The following MDGA2 variants were observed in gnomAD, a reference collection of about 807,000 sequenced individuals.
MDGA2 encodes MAM domain-containing glycosylphosphatidylinositol anchor protein 2.
MDGA2 carries 40 observed loss-of-function variants against 117.8 expected under a neutral mutation model. The ratio of observed to expected loss-of-function variants is 0.34; its 90% confidence interval spans 0.26 to 0.44. MDGA2 has a LOEUF of 0.44. MDGA2 is among the 20% of genes least tolerant of loss of function. MDGA2 has a pLI of 1.00. For missense variants in MDGA2, 1,123 were observed against 1,250.6 expected (o/e 0.90, Z 1.54); for synonymous variants, 452 against 439.0 (o/e 1.03, Z -0.37).
chr14:46,989,459 C>T (rs1021856311), intron 8 of MDGA2, among the ~76,000 whole-genome samples: 7 of 152,030 alleles, frequency 4.6e-5, no homozygotes, highest in African/African-American at 1.7e-4. Context: ...TGGCAGGTGA[C>T]AATATGTGAC....
intron 1 of MDGA2, among the ~76,000 whole-genome samples, chr14:47,646,741 T>C (rs1897542481): frequency 6.6e-6 from 1 of 152,248 alleles, no homozygotes; most frequent in Non-Finnish European, 1.5e-5. Context: ...ATATGGCACA[T>C]TCTGCACAAA....
chr14:47,116,954 AT>A (rs1881364933), intron 5 of MDGA2, among the ~76,000 whole-genome samples: 2 of 152,116 alleles, frequency 1.3e-5, no homozygotes, highest in East Asian at 3.9e-4. Context: ...AGAAAAAAAA[AT>A]AGAGTGAAAA....
At chr14:47,623,260 A>G (rs2138932124) in intron 1 of MDGA2, among the ~76,000 whole-genome samples, 1 of 152,280 alleles carries the variant, frequency 6.6e-6, no homozygotes, top group African/African-American at 2.4e-5. Context: ...GCACCTTGAT[A>G]TTGGACTTCT....
At chr14:46,917,787 G>T in intron 10 of MDGA2, among the ~76,000 whole-genome samples, 1 of 152,098 alleles carries the variant, frequency 6.6e-6, no homozygotes, top group Non-Finnish European at 1.5e-5. Context: ...TGTCAGGAAA[G>T]GAAAATAAAA....
chr14:47,491,092 T>A (rs1894159784), intron 1 of MDGA2, among the ~76,000 whole-genome samples: 1 of 152,078 alleles, frequency 6.6e-6, no homozygotes, highest in African/African-American at 2.4e-5. Context: ...CAAGGACAAA[T>A]GGATTTTTAG....
chr14:47,647,955 T>C (rs1897567675), intron 1 of MDGA2, among the ~76,000 whole-genome samples: 2 of 152,154 alleles, frequency 1.3e-5, no homozygotes, highest in Non-Finnish European at 1.5e-5. Flanking sequence ...TGTATTAAAT[T>C]ATTACAGATG....
At chr14:47,547,898 A>G (rs1313249146) in intron 1 of MDGA2, among the ~76,000 whole-genome samples, 2 of 152,218 alleles carry the variant, frequency 1.3e-5, no homozygotes, top group Non-Finnish European at 2.9e-5. Context: ...AATCTTAACC[A>G]TCTAGTTAAA....
At chr14:47,578,941 T>C (rs542355846) in intron 1 of MDGA2, among the ~76,000 whole-genome samples, 1 of 152,280 alleles carries the variant, frequency 6.6e-6, no homozygotes, top group East Asian at 1.9e-4. Flanking sequence ...CTTCTGGGAG[T>C]ACCATGTTAG....
At chr14:47,297,536 G>C (rs888819295) in intron 2 of MDGA2, among the ~76,000 whole-genome samples, 4 of 146,776 alleles carry the variant, frequency 2.7e-5, no homozygotes, top group Admixed American at 1.4e-4. Context: ...AGGTTAGGAG[G>C]GGGGCAGGGA....
intron 6 of MDGA2, among the ~76,000 whole-genome samples, chr14:47,075,428 C>G (rs1054375481): frequency 2.0e-5 from 3 of 152,118 alleles, no homozygotes; most frequent in African/African-American, 7.2e-5. Context: ...GAAGCTATTA[C>G]CAAGTAGTCA....
chr14:47,670,304 TTTTGTTTTTTG>T (rs1226201736), intron 1 of MDGA2, among the ~76,000 whole-genome samples: 1 of 152,204 alleles, frequency 6.6e-6, no homozygotes, highest in East Asian at 1.9e-4. Flanking sequence ...TTGAGTTGTA[TTTTGTTTTTTG>T]TTTGCAGTGG....
intron 2 of MDGA2, among the ~76,000 whole-genome samples, chr14:47,280,936 T>C (rs1888466071): frequency 6.8e-6 from 1 of 147,912 alleles, no homozygotes; most frequent in Admixed American, 6.8e-5. Context: ...CCTTGTAATA[T>C]AAACAAAATA....
intron 14 of MDGA2, among the ~76,000 whole-genome samples, chr14:46,863,303 T>C (rs1881587313): frequency 6.6e-6 from 1 of 152,176 alleles, no homozygotes; most frequent in Non-Finnish European, 1.5e-5. Flanking sequence ...TGATACATAT[T>C]ACTTTCTGAC....
At chr14:47,490,997 A>G (rs2138653355) in intron 1 of MDGA2, among the ~76,000 whole-genome samples, 1 of 152,250 alleles carries the variant, frequency 6.6e-6, no homozygotes, top group Admixed American at 6.5e-5. Context: ...CTGTTGAAGA[A>G]CTGGAAGAAT....
At chr14:47,424,186 C>A (rs925745264) in intron 1 of MDGA2, among the ~76,000 whole-genome samples, 1 of 152,010 alleles carries the variant, frequency 6.6e-6, no homozygotes, top group Non-Finnish European at 1.5e-5. Context: ...TTTGGGATGC[C>A]CAGACATGTG....
chr14:47,423,354 A>C (rs980281783), intron 1 of MDGA2, among the ~76,000 whole-genome samples: 3 of 152,198 alleles, frequency 2.0e-5, no homozygotes, highest in Non-Finnish European at 4.4e-5. Context: ...TATTAGTAAA[A>C]GCTGGGAAAC....
intron 8 of MDGA2, among the ~76,000 whole-genome samples, chr14:47,021,578 T>C (rs1231882797): frequency 6.6e-6 from 1 of 152,314 alleles, no homozygotes; most frequent in South Asian, 2.1e-4. Context: ...TTAACACAGA[T>C]AACTTGTTGC....
At chr14:47,035,735 A>G (rs1255675896) in intron 7 of MDGA2, among the ~76,000 whole-genome samples, 2 of 152,188 alleles carry the variant, frequency 1.3e-5, no homozygotes, top group African/African-American at 2.4e-5. Context: ...ACTAGTTTAA[A>G]ACTTGCCAAA....
intron 3 of MDGA2, among the ~76,000 whole-genome samples, chr14:47,204,139 G>C (rs1289054765): frequency 6.6e-6 from 1 of 151,904 alleles, no homozygotes. Flanking sequence ...ACTAAGACTG[G>C]AGTCATTCCA....
Sources: gnomAD v4.1 joint callset for allele counts (sites outside exome capture counted in the v4.1 genomes callset) on GRCh38, gnomAD v4.1.1 for gene constraint, MANE v1.5 for transcripts, NCBI Gene and HGNC (gene_info 2026-07-23, HGNC 2026-07-21) for gene names.